GPR176: variants seen among roughly 807,000 people sequenced by gnomAD.
GPR176 encodes G protein-coupled receptor 176.
A neutral mutation model predicts 35.4 loss-of-function variants in GPR176; 26 were observed. That is an observed-to-expected ratio of 0.74 (90% CI 0.54 to 1.02). The LOEUF is 1.02. Ranked by LOEUF, GPR176 falls within the 50% of genes least tolerant of loss-of-function variation. The pLI is 0.00. For missense variants in GPR176, 597 were observed against 665.3 expected (o/e 0.90, Z 1.13); for synonymous variants, 278 against 271.3 (o/e 1.02, Z -0.24).
At chr15:39,857,983 AAAAG>A (rs917844322) in intron 1 of GPR176, among the ~76,000 whole-genome samples, 2 of 151,570 alleles carry the variant, frequency 1.3e-5, no homozygotes, top group African/African-American at 2.4e-5. Context: ...AAAAAAAAAA[AAAAG>A]AAAGAAAGAA....
intron 1 of GPR176, among the ~76,000 whole-genome samples, chr15:39,866,115 G>A (rs1452003763): frequency 1.3e-5 from 2 of 152,028 alleles, no homozygotes; most frequent in Non-Finnish European, 2.9e-5. Flanking sequence ...TATATGGTAT[G>A]CTATTTTTTG....
chr15:39,819,957 A>G (rs676455), intron 1 of GPR176, among the ~76,000 whole-genome samples: 99,282 of 152,078 alleles, frequency 0.65, 32,525 homozygotes, highest in Admixed American at 0.71. Flanking sequence ...AGCTGAAAAT[A>G]TCATTCATTT....
intron 1 of GPR176, among the ~76,000 whole-genome samples, chr15:39,871,298 G>A (rs1467848177): frequency 6.6e-6 from 1 of 152,154 alleles, no homozygotes; most frequent in Non-Finnish European, 1.5e-5. Flanking sequence ...ACACCAAACT[G>A]AGGTCTAATG....
intron 1 of GPR176, among the ~76,000 whole-genome samples, chr15:39,890,172 G>C (rs2032820074): frequency 6.6e-6 from 1 of 152,182 alleles, no homozygotes; most frequent in Non-Finnish European, 1.5e-5. Context: ...GAGAGAGCCT[G>C]ATGTTAAACA....
intron 1 of GPR176, among the ~76,000 whole-genome samples, chr15:39,866,807 T>C (rs1190524226): frequency 2.0e-5 from 3 of 152,142 alleles, no homozygotes; most frequent in Non-Finnish European, 1.5e-5. Context: ...AATGATACCA[T>C]AAATGTGTGA....
At chr15:39,886,766 C>T (rs751038321) in intron 1 of GPR176, among the ~76,000 whole-genome samples, 3 of 152,150 alleles carry the variant, frequency 2.0e-5, no homozygotes, top group Non-Finnish European at 4.4e-5. Flanking sequence ...TTATGTTCAC[C>T]TTCAACTGTA....
At chr15:39,866,884 AG>A (rs2031853455) in intron 1 of GPR176, among the ~76,000 whole-genome samples, 1 of 152,152 alleles carries the variant, frequency 6.6e-6, no homozygotes, top group African/African-American at 2.4e-5. Flanking sequence ...AAGCATACAA[AG>A]GGGGAGCAAG....
intron 1 of GPR176, among the ~76,000 whole-genome samples, chr15:39,860,088 T>C (rs1015254141): frequency 3.9e-5 from 6 of 152,152 alleles, no homozygotes; most frequent in Non-Finnish European, 8.8e-5. Flanking sequence ...CCCTCAGATT[T>C]CAAGGTGATA....
intron 1 of GPR176, among the ~76,000 whole-genome samples, chr15:39,860,244 A>C (rs988702910): frequency 9.2e-5 from 14 of 152,350 alleles, no homozygotes; most frequent in African/African-American, 3.1e-4. Flanking sequence ...TAAATGTTTC[A>C]AGTCCTGGTA....
At chr15:39,802,282 C>T (rs775234738) in intron 2 of GPR176, 28 bp from the exon 3 acceptor site, 64 of 1,515,410 alleles carry the variant, frequency 4.2e-5, no homozygotes, top group Non-Finnish European at 5.6e-5. Flanking sequence ...AAAATTAATT[C>T]CACAGAAGAT....
intron 1 of GPR176, among the ~76,000 whole-genome samples, chr15:39,897,124 G>C (rs949490982): frequency 6.6e-6 from 1 of 152,176 alleles, no homozygotes; most frequent in Non-Finnish European, 1.5e-5. Context: ...AAAGAGGCCA[G>C]AGCTCCCACT....
intron 1 of GPR176, among the ~76,000 whole-genome samples, chr15:39,901,582 A>G (rs2033279128): frequency 6.6e-6 from 1 of 152,172 alleles, no homozygotes; most frequent in Non-Finnish European, 1.5e-5. Flanking sequence ...GAACAACAAC[A>G]AAAAAGTCTT....
intron 1 of GPR176, among the ~76,000 whole-genome samples, chr15:39,845,399 T>A: frequency 6.7e-6 from 1 of 149,714 alleles, no homozygotes; most frequent in African/African-American, 2.5e-5. Context: ...AACTAAGGAG[T>A]TAACAAATGA....
intron 1 of GPR176, among the ~76,000 whole-genome samples, chr15:39,814,690 G>T (rs1275571663): frequency 2.0e-5 from 3 of 152,188 alleles, no homozygotes; most frequent in Non-Finnish European, 4.4e-5. Flanking sequence ...GGCTATAGAA[G>T]TGTTCCAAGT....
chr15:39,815,117 C>G (rs1899810987), intron 1 of GPR176, among the ~76,000 whole-genome samples: 1 of 151,958 alleles, frequency 6.6e-6, no homozygotes, highest in African/African-American at 2.4e-5. Flanking sequence ...TCAGAGGGAA[C>G]CAAGAAAAGG....
intron 1 of GPR176, among the ~76,000 whole-genome samples, chr15:39,895,107 G>T (rs1481638308): frequency 2.0e-5 from 3 of 152,326 alleles, no homozygotes; most frequent in Non-Finnish European, 4.4e-5. Context: ...GCAATCGCAG[G>T]TACTCGGCAG....
intron 1 of GPR176, among the ~76,000 whole-genome samples, chr15:39,899,234 C>G (rs918896629): frequency 5.4e-4 from 83 of 152,314 alleles, no homozygotes; most frequent in African/African-American, 2.0e-3. Context: ...AGTCCAGCAA[C>G]CCCCTGCTTT....
chr15:39,907,879 G>A lies in GPR176; in HGVS notation c.172+11976C>T, dbSNP rs759415271. Among the ~76,000 whole-genome samples, 3 of 152,182 alleles carry A rather than the reference G, an allele frequency of 2.0e-5. No individual in the cohort carries two copies. The South Asian group carries it at 6.2e-4, about 32-fold the overall frequency. ...GTATGCCTGTAATCCCAGCTACTCA[G>A]GAGGCTGAGGCAGAAGAACTGCTCA... On this transcript the variant is annotated intron_variant, in intron 1 of 2. Transcript: ENST00000561100.
intron 1 of GPR176, among the ~76,000 whole-genome samples, chr15:39,881,566 T>C (rs1036603193): frequency 1.3e-5 from 2 of 152,236 alleles, no homozygotes; most frequent in African/African-American, 4.8e-5. Context: ...TTAATAATCA[T>C]CACACTCACC....
Sources: allele counts gnomAD v4.1 joint callset (sites outside exome capture counted in the v4.1 genomes callset), GRCh38; gene constraint gnomAD v4.1.1; transcripts MANE v1.5; gene names NCBI Gene and HGNC (gene_info 2026-07-23, HGNC 2026-07-21).